LMNTD1: variants seen among roughly 807,000 people sequenced by gnomAD.
The protein encoded by LMNTD1 is lamin tail domain-containing protein 1.
In LMNTD1, 35 loss-of-function variants were observed where a neutral mutation model predicts 50.9. The ratio of observed to expected loss-of-function variants is 0.69; its 90% confidence interval spans 0.53 to 0.91. The LOEUF (loss-of-function observed/expected upper bound fraction) is 0.91, where lower values mean the gene tolerates loss of function less well. Ranked by LOEUF, LMNTD1 falls within the 40% of genes least tolerant of loss-of-function variation. The probability of loss-of-function intolerance (pLI) is 0.00; values close to 1 mark genes in which losing one functional copy is unlikely to be tolerated. For synonymous variants in LMNTD1, 153 were observed against 161.9 expected (o/e 0.94, Z 0.42); for missense variants, 470 against 475.5 (o/e 0.99, Z 0.11).
At chr12:25,598,728 T>C (rs1283800950) in intron 1 of LMNTD1, among the ~76,000 whole-genome samples, 2 of 151,840 alleles carry the variant, frequency 1.3e-5, no homozygotes, top group African/African-American at 2.4e-5. Context: ...AGCAACTATA[T>C]GCCAATAAAT....
intron 4 of LMNTD1, among the ~76,000 whole-genome samples, chr12:25,545,268 A>T (rs1037411436): frequency 6.6e-6 from 1 of 151,650 alleles, no homozygotes; most frequent in South Asian, 2.1e-4. Flanking sequence ...CACATTAAAA[A>T]CATTGTCTCA....
At chr12:25,552,602 C>CAAAG (rs1943831635) in intron 2 of LMNTD1, among the ~76,000 whole-genome samples, 1 of 131,558 alleles carries the variant, frequency 7.6e-6, no homozygotes, top group Non-Finnish European at 1.6e-5. Flanking sequence ...AAAAAAAAAA[C>CAAAG]GGAACTTTGG....
intron 1 of LMNTD1, among the ~76,000 whole-genome samples, chr12:25,587,961 C>T (rs1945592296): frequency 6.6e-6 from 1 of 152,124 alleles, no homozygotes; most frequent in African/African-American, 2.4e-5. Flanking sequence ...ATTTACCAGG[C>T]ACCATGGTCT....
chr12:25,603,529 TA>T (rs1946025086), intron 1 of LMNTD1, among the ~76,000 whole-genome samples: 1 of 152,034 alleles, frequency 6.6e-6, no homozygotes, highest in Non-Finnish European at 1.5e-5. Flanking sequence ...ACCAGATTAA[TA>T]CACCTTTTTT....
intron 4 of LMNTD1, among the ~76,000 whole-genome samples, chr12:25,543,764 C>T (rs1447980877): frequency 6.6e-6 from 1 of 151,210 alleles, no homozygotes; most frequent in African/African-American, 2.4e-5. Context: ...TTTTGTGTCC[C>T]AGAGATTTTG....
At chr12:25,553,366 T>G, upstream of LMNTD1, 1 of 738,248 alleles carries the variant, frequency 1.4e-6, no homozygotes, top group Admixed American at 4.0e-5. Context: ...TCTGAACAAT[T>G]CCTATGTTGA....
chr12:25,491,747 A>C (rs2135920284), intron 9 of LMNTD1, among the ~76,000 whole-genome samples: 1 of 152,206 alleles, frequency 6.6e-6, no homozygotes, highest in African/African-American at 2.4e-5. Flanking sequence ...GGAATTCACC[A>C]GGAGGTCATT....
chr12:25,537,823 G>C (rs1305093781), intron 4 of LMNTD1, among the ~76,000 whole-genome samples: 1 of 151,624 alleles, frequency 6.6e-6, no homozygotes, highest in East Asian at 1.9e-4. Flanking sequence ...TGAAAACTTT[G>C]AAAGAAATTT....
Position 25,526,109 on chromosome 12 carries a change from G to A in LMNTD1, c.788C>T (p.Pro263Leu), listed in dbSNP as rs145152190. ...SPDCITILCKPNGQAIAWYTP... is the reference protein window; with the variant it reads ...SPDCITILCKLNGQAIAWYTP... Reference sequence around the variant, plus strand: ...GAACCAGAAACTAACTTGACCGTTCGGTTTGCACAGGATTGTTATACAATC... The same window carrying A: ...GAACCAGAAACTAACTTGACCGTTCAGTTTGCACAGGATTGTTATACAATC... Residue 263 changes from proline to leucine, a missense_variant, in exon 6 of 10, where the codon CCG (proline) becomes CTG (leucine). By Grantham distance (98) the Pro-to-Leu change is moderately conservative. Transcript: ENST00000458174. 3.5e-5 allele frequency: 55 copies of A among 1,578,798 alleles called. No homozygotes were observed. Among genetic ancestry groups the A allele is most frequent in the African/African-American group, 2.6e-4 (19 of 72,686 alleles).
intron 4 of LMNTD1, among the ~76,000 whole-genome samples, chr12:25,527,681 TACACACACACACACACACACACAC>T (rs376707066): frequency 9.3e-5 from 3 of 32,342 alleles, no homozygotes; most frequent in African/African-American, 3.5e-4. Flanking sequence ...TATATATATA[TACACACACACACACACACACACAC>T]ACACACACAC....
At chr12:25,558,718 C>T (rs1011806636) in intron 1 of LMNTD1, among the ~76,000 whole-genome samples, 10 of 152,126 alleles carry the variant, frequency 6.6e-5, no homozygotes, top group African/African-American at 1.9e-4. Context: ...TCTCACATGG[C>T]GGCAGGCAAG....
At chr12:25,481,723 T>C (rs887921939) in intron 9 of LMNTD1, among the ~76,000 whole-genome samples, 4 of 151,446 alleles carry the variant, frequency 2.6e-5, no homozygotes, top group African/African-American at 9.7e-5. Context: ...CAATAGAAAT[T>C]CTTTAAATCT....
chr12:25,545,997 A>G (rs1943405149), intron 4 of LMNTD1, among the ~76,000 whole-genome samples: 2 of 151,656 alleles, frequency 1.3e-5, no homozygotes, highest in African/African-American at 4.8e-5. Context: ...AAATGGATCA[A>G]TGAAGTAAAA....
chr12:25,638,039 A>T (rs1946873421), intron 1 of LMNTD1, among the ~76,000 whole-genome samples: 1 of 152,094 alleles, frequency 6.6e-6, no homozygotes, highest in South Asian at 2.1e-4. Context: ...GTTTCACATT[A>T]AAAAATCAGT....
intron 1 of LMNTD1, among the ~76,000 whole-genome samples, chr12:25,609,107 T>C (rs1392200436): frequency 6.6e-6 from 1 of 152,224 alleles, no homozygotes. Context: ...TTCCACTTGA[T>C]TGAATCGGCT....
At chr12:25,578,819 A>T (rs937642229) in intron 1 of LMNTD1, among the ~76,000 whole-genome samples, 1 of 152,226 alleles carries the variant, frequency 6.6e-6, no homozygotes, top group Non-Finnish European at 1.5e-5. Context: ...TCAAAATCTA[A>T]CTTTGGCCTT....
intron 9 of LMNTD1, chr12:25,497,368 C>T (rs1939122351): frequency 6.6e-6 from 1 of 152,248 alleles, no homozygotes; most frequent in Non-Finnish European, 1.5e-5. Flanking sequence ...CCCTGTTTCT[C>T]CCATTTAACC....
At chr12:25,574,992 A>G (rs1944945860) in intron 1 of LMNTD1, among the ~76,000 whole-genome samples, 1 of 152,160 alleles carries the variant, frequency 6.6e-6, no homozygotes, top group African/African-American at 2.4e-5. Flanking sequence ...GGCAGGCTCT[A>G]AAAGACAGGC....
At chr12:25,550,101 T>C (rs1943664175) in intron 2 of LMNTD1, among the ~76,000 whole-genome samples, 2 of 152,158 alleles carry the variant, frequency 1.3e-5, no homozygotes, top group African/African-American at 2.4e-5. Flanking sequence ...AAACTGTACA[T>C]GTTTGTGTGT....
Sources: gnomAD v4.1 joint callset for allele counts (sites outside exome capture counted in the v4.1 genomes callset) on GRCh38, gnomAD v4.1.1 for gene constraint, MANE v1.5 for transcripts, NCBI Gene and HGNC (gene_info 2026-07-23, HGNC 2026-07-21) for gene names.